Variants in BBS9 observed in about 807,000 individuals in gnomAD.
The protein encoded by BBS9 is Bardet-Biedl syndrome 9, also known as protein PTHB1.
Under a neutral mutation model 117.7 loss-of-function variants are expected in BBS9, and 89 were observed. The observed-to-expected ratio is 0.76, with a 90% CI of 0.64 to 0.90. The LOEUF (loss-of-function observed/expected upper bound fraction) is 0.90. Ranked by LOEUF, BBS9 falls within the 40% of genes least tolerant of loss-of-function variation. The pLI, the probability that BBS9 is intolerant of heterozygous loss-of-function variation, is 0.00. For synonymous variants in BBS9, 379 were observed against 370.9 expected (o/e 1.02, Z -0.25); for missense variants, 982 against 1,042.2 (o/e 0.94, Z 0.80).
intron 4 of BBS9, 62 bp downstream of exon 4, chr7:33,155,764 A>G: frequency 3.2e-6 from 3 of 947,432 alleles, no homozygotes; most frequent in Non-Finnish European, 5.0e-6. Flanking sequence ...GTTATATGAG[A>G]ATAGATATTC....
At chr7:33,210,623 G>A (rs536661483) in intron 5 of BBS9, among the ~76,000 whole-genome samples, 14 of 152,142 alleles carry the variant, frequency 9.2e-5, no homozygotes, top group South Asian at 2.1e-4. Context: ...CTGCAACCTC[G>A]CCTCCCGGGT....
chr7:33,470,062 C>T (rs1840758509), intron 19 of BBS9, among the ~76,000 whole-genome samples: 1 of 152,098 alleles, frequency 6.6e-6, no homozygotes, highest in African/African-American at 2.4e-5. Flanking sequence ...AGAATGTAAG[C>T]TCTTCGAGGG....
At chr7:33,500,231 G>T (rs116224075) in intron 19 of BBS9, among the ~76,000 whole-genome samples, 334 of 152,280 alleles carry the variant, frequency 2.2e-3, no homozygotes, top group African/African-American at 7.8e-3. Flanking sequence ...GCCTATCGTG[G>T]ATGTAATGTA....
chr7:33,560,997 A>G (rs866112092), intron 21 of BBS9, among the ~76,000 whole-genome samples: 6 of 152,082 alleles, frequency 3.9e-5, no homozygotes, highest in Admixed American at 2.6e-4. Flanking sequence ...TGCTAAATGG[A>G]CCCCATTTTG....
intron 19 of BBS9, among the ~76,000 whole-genome samples, chr7:33,432,833 G>A (rs367867367): frequency 2.0e-5 from 3 of 151,144 alleles, no homozygotes; most frequent in African/African-American, 4.9e-5. Context: ...TATTTGGAAC[G>A]TTATGCCCTA....
At chr7:33,236,761 AT>A (rs1346243673) in intron 5 of BBS9, among the ~76,000 whole-genome samples, 1 of 151,764 alleles carries the variant, frequency 6.6e-6, no homozygotes, top group Middle Eastern at 3.4e-3. Flanking sequence ...TTATCAACTT[AT>A]TTTTTTTGTG....
intron 19 of BBS9, among the ~76,000 whole-genome samples, chr7:33,492,883 G>C (rs1338989660): frequency 6.6e-6 from 1 of 150,990 alleles, no homozygotes; most frequent in Non-Finnish European, 1.5e-5. Context: ...GTATGGCACA[G>C]TGGAAAATGC....
At chr7:33,268,996 G>T (rs76081250) in intron 7 of BBS9, among the ~76,000 whole-genome samples, 4,301 of 152,310 alleles carry the variant, frequency 0.028, 152 homozygotes, top group African/African-American at 0.077. Context: ...GAGCCAAATA[G>T]TAATCAAATA....
At chr7:33,288,395 A>G (rs1226047284) in intron 9 of BBS9, among the ~76,000 whole-genome samples, 2 of 152,174 alleles carry the variant, frequency 1.3e-5, no homozygotes, top group Admixed American at 6.5e-5. Flanking sequence ...ATTGTGGTGC[A>G]TTGGCAAGAC....
At chr7:33,609,079 T>G (rs1397721830), downstream of BBS9, among the ~76,000 whole-genome samples, 4 of 152,128 alleles carry the variant, frequency 2.6e-5, no homozygotes, top group Non-Finnish European at 5.9e-5. Context: ...TTTCTATGAC[T>G]AGTTACATAT....
chr7:33,336,603 A>G lies in BBS9; in HGVS notation c.1179A>G (p.Lys393=), dbSNP rs774717839. Residue 393 remains lysine, a synonymous_variant, in exon 10 of 23, where the codon AAA becomes AAG. Transcript: ENST00000242067. ...VEMKELQKII[K]DVNKSQGVWP... is the part of the protein sequence containing the mutation. ...TGAAAGAACTTCAGAAAATCATCAAAGATGTTAACAAATCACAAGGTATCT... is the reference window on the plus strand; with the variant it reads ...TGAAAGAACTTCAGAAAATCATCAAGGATGTTAACAAATCACAAGGTATCT... The G allele has an allele frequency of 1.2e-6, 2 of 1,609,756 alleles. No individual in the cohort carries two copies. The highest frequency in any genetic ancestry group is 1.7e-5 in the Admixed American group (1 of 59,860).
At position 33,433,358 on chromosome 7, in the gene BBS9, A is replaced by C. The variant is rs540643482; in HGVS notation, c.2115+45214A>C. Among the ~76,000 whole-genome samples, 3 of 152,322 alleles carry C rather than the reference A, an allele frequency of 2.0e-5. No individual in the cohort carries two copies. In the South Asian group the frequency reaches 6.2e-4, roughly 32 times the overall value. On this transcript the variant is annotated intron_variant, in intron 19 of 22. Coordinates refer to ENST00000242067, the MANE Select transcript of BBS9 (RefSeq NM_198428.3). ...ATCATTGGTAGAGGACAATTTGGCA[A>C]TGAGAAAGCAACAATTGTTACTGAT... is the stretch of plus-strand genomic sequence containing the variant.
At chr7:33,334,783 C>T (rs1231609796) in intron 9 of BBS9, among the ~76,000 whole-genome samples, 1 of 152,144 alleles carries the variant, frequency 6.6e-6, no homozygotes, top group African/African-American at 2.4e-5. Flanking sequence ...AAAGCTTTCC[C>T]AAGTTGACTG....
intron 9 of BBS9, among the ~76,000 whole-genome samples, chr7:33,303,886 G>T (rs1807150364): frequency 6.6e-6 from 1 of 152,150 alleles, no homozygotes; most frequent in Non-Finnish European, 1.5e-5. Flanking sequence ...GCCTGCCTTG[G>T]CCTCCCAAAG....
intron 9 of BBS9, among the ~76,000 whole-genome samples, chr7:33,304,268 G>A (rs539595183): frequency 2.9e-4 from 39 of 134,916 alleles, no homozygotes; most frequent in Non-Finnish European, 5.0e-4. Flanking sequence ...GCCTATGCCC[G>A]GCCGCCCCTT....
chr7:33,284,064 C>T (rs1332158296), intron 9 of BBS9, among the ~76,000 whole-genome samples: 1 of 152,090 alleles, frequency 6.6e-6, no homozygotes, highest in African/African-American at 2.4e-5. Flanking sequence ...CTTTTGCTTC[C>T]ATTCTGGTTC....
At chr7:33,372,788 CT>C (rs1231859473) in intron 17 of BBS9, among the ~76,000 whole-genome samples, 3 of 152,072 alleles carry the variant, frequency 2.0e-5, no homozygotes, top group African/African-American at 7.2e-5. Flanking sequence ...AAGTCCTGGG[CT>C]TTTCTTTGGT....
chr7:33,144,539 C>T (rs1022834944), intron 1 of BBS9, among the ~76,000 whole-genome samples: 2 of 152,212 alleles, frequency 1.3e-5, no homozygotes, highest in African/African-American at 4.8e-5. Flanking sequence ...AGTTCTCATA[C>T]CGTAAACAAG....
At chr7:33,312,187 T>C (rs1012263572) in intron 9 of BBS9, among the ~76,000 whole-genome samples, 1 of 152,022 alleles carries the variant, frequency 6.6e-6, no homozygotes, top group Non-Finnish European at 1.5e-5. Context: ...CCTTTCTTGG[T>C]TTCACAAGAT....
Sources: gnomAD v4.1 joint callset for allele counts (sites outside exome capture counted in the v4.1 genomes callset) on GRCh38, gnomAD v4.1.1 for gene constraint, MANE v1.5 for transcripts, NCBI Gene and HGNC (gene_info 2026-07-23, HGNC 2026-07-21) for gene names.